TEX29: variants seen among roughly 807,000 people sequenced by gnomAD.
TEX29 encodes the protein testis expressed 29.
A neutral mutation model predicts 18.2 loss-of-function variants in TEX29; 26 were observed. That is an observed-to-expected ratio of 1.43 (90% CI 1.04 to 1.98). The LOEUF (loss-of-function observed/expected upper bound fraction) is 1.98, where lower values mean the gene tolerates loss of function less well. TEX29 is among the 30% of genes most tolerant of loss of function. The probability of loss-of-function intolerance (pLI) is 0.00; values close to 1 mark genes in which losing one functional copy is unlikely to be tolerated. For synonymous variants in TEX29, 83 were observed against 78.5 expected, an observed-to-expected ratio of 1.06 and a Z score of -0.31; for missense variants, 177 against 194.2, an observed-to-expected ratio of 0.91 and a Z score of 0.53.
At chr13:111,343,079 A>T in intron 5 of TEX29, 148 bp downstream of exon 5, 1 of 991,510 alleles carries the variant, frequency 1.0e-6, no homozygotes, top group Non-Finnish European at 1.4e-6. Flanking sequence ...ATTGTAATGT[A>T]CCCAACATTG....
At chr13:111,330,258 G>A (rs1567161509) in intron 3 of TEX29, among the ~76,000 whole-genome samples, 1 of 152,218 alleles carries the variant, frequency 6.6e-6, no homozygotes, top group Non-Finnish European at 1.5e-5. Context: ...CACAAAATCA[G>A]TCAAGAAAGA....
intron 2 of TEX29, among the ~76,000 whole-genome samples, chr13:111,326,535 G>A (rs1438369006): frequency 4.1e-4 from 58 of 142,006 alleles, no homozygotes; most frequent in Non-Finnish European, 5.3e-4. Context: ...GCTGTCTGGT[G>A]GGGTGGAGAC....
chr13:111,325,003 G>A (rs147742760), intron 2 of TEX29, among the ~76,000 whole-genome samples: 8 of 152,284 alleles, frequency 5.3e-5, no homozygotes, highest in African/African-American at 1.2e-4. Flanking sequence ...GCTTCCCTGG[G>A]CTTGCTATCC....
intron 4 of TEX29, among the ~76,000 whole-genome samples, chr13:111,342,076 G>A (rs1168105161): frequency 6.6e-6 from 1 of 152,180 alleles, no homozygotes; most frequent in Non-Finnish European, 1.5e-5. Context: ...TAATGGTGAG[G>A]AAATGCAGAC....
chr13:111,325,757 T>C (rs1188627309), intron 2 of TEX29, among the ~76,000 whole-genome samples: 1 of 152,226 alleles, frequency 6.6e-6, no homozygotes, highest in Non-Finnish European at 1.5e-5. Flanking sequence ...ATTCGACGGC[T>C]GGGCGGTCAG....
rs1406983186 is a variant in TEX29 at position 111,326,601 on chromosome 13, G to A, written c.59-1582G>A. 6.2e-5 allele frequency among the ~76,000 whole-genome samples: 9 copies of A among 145,470 alleles called. No homozygotes were observed. In the East Asian group the frequency reaches 6.5e-4, roughly 11 times the overall value. On this transcript the variant is annotated intron_variant, in intron 2 of 5. Transcript: ENST00000283547. ...TGTCTGGTCGGGTGGAAGAGACTGCGGGCAGTGCGAGCCTGTCTGGTGGGG... is the reference window on the plus strand; with the variant it reads ...TGTCTGGTCGGGTGGAAGAGACTGCAGGCAGTGCGAGCCTGTCTGGTGGGG...
intron 2 of TEX29, among the ~76,000 whole-genome samples, chr13:111,321,628 A>AAC (rs1045376223): frequency 2.0e-5 from 3 of 151,994 alleles, no homozygotes; most frequent in Non-Finnish European, 4.4e-5. Flanking sequence ...ACAAAAACAA[A>AAC]AAAAAACCCA....
intron 2 of TEX29, among the ~76,000 whole-genome samples, chr13:111,324,075 G>A (rs1281569506): frequency 6.6e-6 from 1 of 152,226 alleles, no homozygotes; most frequent in African/African-American, 2.4e-5. Context: ...CAGACAGAAA[G>A]GGGTGTGCAG....
intron 3 of TEX29, among the ~76,000 whole-genome samples, chr13:111,329,924 C>T (rs2093680168): frequency 6.6e-6 from 1 of 152,026 alleles, no homozygotes; most frequent in Admixed American, 6.6e-5. Flanking sequence ...AAGATGAGCC[C>T]CTAGAACTTG....
At chr13:111,335,046 C>T (rs990874129) in intron 3 of TEX29, among the ~76,000 whole-genome samples, 3 of 152,236 alleles carry the variant, frequency 2.0e-5, no homozygotes, top group African/African-American at 7.2e-5. Flanking sequence ...AAACAGATTT[C>T]TGCAAGCTTT....
chr13:111,320,829 G>A lies in TEX29; in HGVS notation c.-34-28G>A, dbSNP rs187158425. 147 of 1,609,030 alleles carry A rather than the reference G, an allele frequency of 9.1e-5. No homozygotes were observed. In the African/African-American group the frequency reaches 1.2e-3, roughly 13 times the overall value. On this transcript the variant is annotated intron_variant, in intron 1 of 5. Transcript: ENST00000283547. ...CCCCAAACGACGTCCCCAGGGCCCC[G>A]CCCGTGCTGACCTCTCCTGTTTTCC... is the stretch of plus-strand genomic sequence containing the variant.
upstream of TEX29, among the ~76,000 whole-genome samples, chr13:111,317,292 G>T (rs963912031): frequency 2.6e-5 from 4 of 152,136 alleles, no homozygotes; most frequent in Non-Finnish European, 5.9e-5. Context: ...GGGTCTGCCT[G>T]TGAAGTTGGT....
At chr13:111,327,066 G>A (rs75977400) in intron 2 of TEX29, among the ~76,000 whole-genome samples, 4,703 of 152,210 alleles carry the variant, frequency 0.031, 122 homozygotes, top group African/African-American at 0.069. Flanking sequence ...GGCCTCCCCC[G>A]ACCTCTCCCT....
chr13:111,327,921 T>A (rs1286959981), intron 2 of TEX29, among the ~76,000 whole-genome samples: 1 of 152,276 alleles, frequency 6.6e-6, no homozygotes, highest in Non-Finnish European at 1.5e-5. Context: ...CTGGCGCTGC[T>A]GCGCGGAAAT....
chr13:111,316,347 C>T (rs2093654751), upstream of TEX29: 2 of 450,992 alleles, frequency 4.4e-6, no homozygotes, highest in Non-Finnish European at 9.0e-6. Flanking sequence ...TCCCGCCACC[C>T]ACACCACCCT....
In TEX29 at chr13:111,320,675, GT is replaced by G; in HGVS notation, c.-120del. 1.6e-6 allele frequency: 1 copy of G among 612,450 alleles called. No homozygotes were observed. Among genetic ancestry groups the G allele is most frequent in the Admixed American group, 2.8e-5 (1 of 36,132 alleles). The allele number at this position is 612,450 out of a possible 1,614,324, so 37.9% of individuals were successfully genotyped here. A position where few individuals can be genotyped will look rare whatever the true frequency, so the allele number is the denominator to read the frequency against. On this transcript the variant is annotated 5_prime_UTR_variant, in exon 1 of 6. Coordinates refer to ENST00000283547, the MANE Select transcript of TEX29 (RefSeq NM_152324.3). Reference sequence around the variant, plus strand: ...CGGCAGACAGAGGGGTGGCCAGTTTGTTGTTTTACCTAAAAGGTGTTTTCCA... The same window carrying G: ...CGGCAGACAGAGGGGTGGCCAGTTTGTGTTTTACCTAAAAGGTGTTTTCCA...
intron 2 of TEX29, 47 bp from the exon 3 acceptor site, chr13:111,328,136 G>A (rs771662404): frequency 7.9e-7 from 1 of 1,260,392 alleles, no homozygotes; most frequent in Admixed American, 1.7e-5. Context: ...AGAGCAGAGT[G>A]GCTTTGTTTT....
intron 3 of TEX29, among the ~76,000 whole-genome samples, chr13:111,336,031 C>G (rs974499900): frequency 6.6e-6 from 1 of 152,224 alleles, no homozygotes; most frequent in Non-Finnish European, 1.5e-5. Context: ...GCCTTAATCC[C>G]TATAGCAGCT....
intron 3 of TEX29, 133 bp downstream of exon 3, chr13:111,328,426 C>T (rs2093677673): frequency 1.5e-6 from 1 of 655,644 alleles, no homozygotes; most frequent in Admixed American, 2.3e-5. Flanking sequence ...CTCTGGCCAA[C>T]TCTTCTGCTC....
Sources: gnomAD v4.1 joint callset for allele counts (sites outside exome capture counted in the v4.1 genomes callset) on GRCh38, gnomAD v4.1.1 for gene constraint, MANE v1.5 for transcripts, NCBI Gene and HGNC (gene_info 2026-07-23, HGNC 2026-07-21) for gene names.